Variants in KCNIP4 observed in about 807,000 individuals in gnomAD.
The protein encoded by KCNIP4 is Kv channel-interacting protein 4.
Under a neutral mutation model 34.0 loss-of-function variants are expected in KCNIP4, and 12 were observed. The observed-to-expected ratio is 0.35, with a 90% confidence interval of 0.23 to 0.57. KCNIP4 has a LOEUF of 0.57. Ranked by LOEUF, KCNIP4 falls within the 20% of genes least tolerant of loss-of-function variation. The pLI, the probability that KCNIP4 is intolerant of heterozygous loss-of-function variation, is 0.83. For missense variants in KCNIP4, 238 were observed against 311.7 expected (o/e 0.76, Z 1.78); for synonymous variants, 124 against 102.2 (o/e 1.21, Z -1.29).
intron 1 of KCNIP4, among the ~76,000 whole-genome samples, chr4:20,975,765 C>T (rs1261340244): frequency 1.3e-5 from 2 of 152,132 alleles, no homozygotes; most frequent in Non-Finnish European, 2.9e-5. Flanking sequence ...TGGCAAAATA[C>T]AGTGGTAGGC....
intron 1 of KCNIP4, among the ~76,000 whole-genome samples, chr4:21,583,473 G>A (rs1299693884): frequency 1.3e-5 from 2 of 151,862 alleles, no homozygotes; most frequent in African/African-American, 2.4e-5. Context: ...TCAATAAATG[G>A]TAGCTATTAA....
intron 1 of KCNIP4, among the ~76,000 whole-genome samples, chr4:21,898,122 T>A (rs1484221114): frequency 6.6e-6 from 1 of 152,046 alleles, no homozygotes; most frequent in Non-Finnish European, 1.5e-5. Flanking sequence ...ATCCCATTGG[T>A]CCAAATCTGA....
intron 3 of KCNIP4, among the ~76,000 whole-genome samples, chr4:20,770,226 C>G: frequency 6.6e-6 from 1 of 151,840 alleles, no homozygotes; most frequent in South Asian, 2.2e-4. Flanking sequence ...TTCTTGGCAC[C>G]TGCCATAGTT....
At chr4:21,756,568 A>AAG (rs1420451328) in intron 1 of KCNIP4, among the ~76,000 whole-genome samples, 16 of 116,680 alleles carry the variant, frequency 1.4e-4, no homozygotes, top group African/African-American at 1.9e-4. Context: ...AAAAAAAAAA[A>AAG]AGAGAGAGAG....
intron 1 of KCNIP4, among the ~76,000 whole-genome samples, chr4:20,928,134 A>AT (rs1298571767): frequency 6.6e-6 from 1 of 152,056 alleles, no homozygotes; most frequent in Non-Finnish European, 1.5e-5. Flanking sequence ...AATATATGGC[A>AT]TTTTTAATGT....
chr4:20,837,993 G>A (rs1410120448), intron 3 of KCNIP4, among the ~76,000 whole-genome samples: 1 of 151,934 alleles, frequency 6.6e-6, no homozygotes, highest in Non-Finnish European at 1.5e-5. Flanking sequence ...CCCGGCCTCA[G>A]TGATATATTT....
At chr4:21,258,000 C>A (rs1761191088) in intron 1 of KCNIP4, among the ~76,000 whole-genome samples, 1 of 152,128 alleles carries the variant, frequency 6.6e-6, no homozygotes, top group Admixed American at 6.5e-5. Context: ...ACTTTCTTAG[C>A]TGCTTTACTT....
chr4:21,824,332 T>A (rs909433379), intron 1 of KCNIP4, among the ~76,000 whole-genome samples: 1 of 152,140 alleles, frequency 6.6e-6, no homozygotes, highest in Non-Finnish European at 1.5e-5. Flanking sequence ...AGATTAGAAA[T>A]ACGGTTTAGG....
At chr4:20,986,993 C>T (rs1463162982) in intron 1 of KCNIP4, among the ~76,000 whole-genome samples, 1 of 152,094 alleles carries the variant, frequency 6.6e-6, no homozygotes, top group Non-Finnish European at 1.5e-5. Context: ...TATGCGGGGG[C>T]TCTTTCACAT....
At position 21,717,824 on chromosome 4, in the gene KCNIP4, A is replaced by G. The variant is rs117837902; in HGVS notation, c.61+230747T>C. Among the ~76,000 whole-genome samples, 49 of 152,224 alleles carry G rather than the reference A, an allele frequency of 3.2e-4. No individual in the cohort carries two copies. In the East Asian group the frequency reaches 5.2e-3, roughly 16 times the overall value. On this transcript the variant is annotated intron_variant, in intron 1 of 8. Transcript: ENST00000382152. The stretch of plus-strand genomic sequence containing the variant: ...CCTTCTTTAATATAGTTCTCACTCC[A>G]ACTTCTGTTTTATATTCCAAATCTG...
chr4:21,229,062 G>T (rs747604845), intron 1 of KCNIP4, among the ~76,000 whole-genome samples: 16 of 152,296 alleles, frequency 1.1e-4, no homozygotes, highest in Admixed American at 3.3e-4. Flanking sequence ...CACTGAAGCT[G>T]CATTATTTGC....
chr4:20,786,562 A>G (rs1047762088), intron 3 of KCNIP4, among the ~76,000 whole-genome samples: 3 of 152,162 alleles, frequency 2.0e-5, no homozygotes, highest in Non-Finnish European at 4.4e-5. Context: ...TTAGCAATAG[A>G]TGGAAACTTT....
chr4:20,731,561 C>G (rs1384152695), intron 8 of KCNIP4: 1 of 985,260 alleles, frequency 1.0e-6, no homozygotes, highest in Admixed American at 6.2e-5. Flanking sequence ...TCCACATACA[C>G]TAAAACAATG....
chr4:21,397,831 A>G (rs1279170938), intron 1 of KCNIP4, among the ~76,000 whole-genome samples: 1 of 152,128 alleles, frequency 6.6e-6, no homozygotes, highest in Non-Finnish European at 1.5e-5. Flanking sequence ...TGAGTATGCC[A>G]TTTTTCCCTA....
chr4:20,911,727 T>C (rs1728345863), intron 1 of KCNIP4, among the ~76,000 whole-genome samples: 1 of 152,196 alleles, frequency 6.6e-6, no homozygotes. Context: ...CCTTCACTCA[T>C]TGGATTCACA....
At chr4:20,946,587 G>A (rs1732216454) in intron 1 of KCNIP4, among the ~76,000 whole-genome samples, 2 of 152,122 alleles carry the variant, frequency 1.3e-5, no homozygotes, top group African/African-American at 2.4e-5. Context: ...ATCTCAGCAC[G>A]CAGCACAGGT....
chr4:21,476,929 A>C (rs1731029948), intron 1 of KCNIP4, among the ~76,000 whole-genome samples: 1 of 152,096 alleles, frequency 6.6e-6, no homozygotes. Flanking sequence ...TAACAAATCC[A>C]GGCAGGACTC....
chr4:21,329,705 G>C (rs546705077), intron 1 of KCNIP4, among the ~76,000 whole-genome samples: 37 of 152,260 alleles, frequency 2.4e-4, no homozygotes, highest in Non-Finnish European at 4.7e-4. Context: ...CTTGAAGAAT[G>C]AGAGTTTCCC....
intron 1 of KCNIP4, among the ~76,000 whole-genome samples, chr4:21,311,704 A>G (rs948517690): frequency 1.9e-4 from 28 of 147,166 alleles, no homozygotes; most frequent in African/African-American, 7.4e-4. Flanking sequence ...AAGAAAAAAA[A>G]TGTAAAAAGC....
Sources: allele counts gnomAD v4.1 joint callset (sites outside exome capture counted in the v4.1 genomes callset), GRCh38; gene constraint gnomAD v4.1.1; transcripts MANE v1.5; gene names NCBI Gene and HGNC (gene_info 2026-07-23, HGNC 2026-07-21).